Variants in ASCC3 observed in about 807,000 individuals in gnomAD.
The protein encoded by ASCC3 is activating signal cointegrator 1 complex subunit 3.
In ASCC3, 158 loss-of-function variants were observed where a neutral mutation model predicts 256.3. The ratio of observed to expected loss-of-function variants is 0.62; its 90% CI spans 0.54 to 0.70. The LOEUF is 0.70. Ranked by LOEUF, ASCC3 falls within the 30% of genes least tolerant of loss-of-function variation. The probability of loss-of-function intolerance (pLI) is 0.00; values close to 1 mark genes in which losing one functional copy is unlikely to be tolerated. For missense variants in ASCC3, 2,259 were observed against 2,626.0 expected (o/e 0.86, Z 3.05); for synonymous variants, 948 against 883.4 (o/e 1.07, Z -1.30).
At chr6:100,772,455 C>T (rs1005757864) in intron 8 of ASCC3, among the ~76,000 whole-genome samples, 1 of 152,096 alleles carries the variant, frequency 6.6e-6, no homozygotes, top group Non-Finnish European at 1.5e-5. Flanking sequence ...TATATTGATA[C>T]AATGGAATAC....
At chr6:100,716,183 C>T (rs1468527027) in intron 12 of ASCC3, among the ~76,000 whole-genome samples, 2 of 151,256 alleles carry the variant, frequency 1.3e-5, no homozygotes, top group Non-Finnish European at 3.0e-5. Context: ...TAGATTTGAC[C>T]GAAGATTTTC....
At chr6:100,613,189 A>C (rs1056187818) in intron 30 of ASCC3, among the ~76,000 whole-genome samples, 1 of 151,678 alleles carries the variant, frequency 6.6e-6, no homozygotes, top group Admixed American at 6.6e-5. Flanking sequence ...CTTTTAGGGT[A>C]CCCATTACCT....
chr6:100,726,329 G>T (rs1334069271), intron 10 of ASCC3, among the ~76,000 whole-genome samples: 11 of 151,870 alleles, frequency 7.2e-5, no homozygotes, highest in Non-Finnish European at 4.4e-5. Flanking sequence ...ATTAGGAGAG[G>T]TACAAAGTAG....
chr6:100,686,620 C>T (rs757929117), intron 13 of ASCC3, among the ~76,000 whole-genome samples: 3 of 151,924 alleles, frequency 2.0e-5, no homozygotes, highest in South Asian at 2.1e-4. Context: ...ATAACTAGTC[C>T]TTGTTTGATG....
At chr6:100,577,428 G>A (rs1770929340) in intron 36 of ASCC3, among the ~76,000 whole-genome samples, 1 of 152,104 alleles carries the variant, frequency 6.6e-6, no homozygotes, top group East Asian at 1.9e-4. Flanking sequence ...CTAATCACAT[G>A]TCTTCTAACA....
chr6:100,708,305 G>A (rs1359125482), intron 13 of ASCC3, among the ~76,000 whole-genome samples: 1 of 151,964 alleles, frequency 6.6e-6, no homozygotes, highest in South Asian at 2.1e-4. Flanking sequence ...TTTATTATTT[G>A]AGTTTAAATG....
At chr6:100,540,062 T>C in intron 37 of ASCC3, 101 bp downstream of exon 37, 2 of 1,057,138 alleles carry the variant, frequency 1.9e-6, no homozygotes, top group Non-Finnish European at 2.9e-6. Context: ...AATGCTACCA[T>C]AAAGTTGTTA....
intron 36 of ASCC3, among the ~76,000 whole-genome samples, chr6:100,577,520 A>G (rs370148213): frequency 2.3e-4 from 35 of 152,202 alleles, no homozygotes; most frequent in Middle Eastern, 3.4e-3. Flanking sequence ...GTATATAGCA[A>G]GTCTTCTCCA....
At position 100,539,631 on chromosome 6, in the gene ASCC3, C is replaced by T. The variant is rs79721021; in HGVS notation, c.5775+532G>A. Among the ~76,000 whole-genome samples, 546 of 152,242 alleles carry T rather than the reference C, an allele frequency of 3.6e-3. 3 individuals are homozygous for T. Among genetic ancestry groups the T allele is most frequent in the African/African-American group, 0.013 (527 of 41,548 alleles). On this transcript the variant is annotated intron_variant, in intron 37 of 41. Transcript: ENST00000369162. ...TTCTTAGTGTTTGAATACACACCTC[C>T]AGAGACCCTACGGTTCACTCTCTTC... is the stretch of plus-strand genomic sequence containing the variant.
At chr6:100,824,271 C>A (rs1002246964) in intron 4 of ASCC3, among the ~76,000 whole-genome samples, 2 of 152,242 alleles carry the variant, frequency 1.3e-5, no homozygotes, top group South Asian at 2.1e-4. Flanking sequence ...TAAGTAAGCA[C>A]TAAAACAGGC....
intron 14 of ASCC3, among the ~76,000 whole-genome samples, chr6:100,672,612 A>C (rs1011694056): frequency 2.6e-5 from 4 of 152,078 alleles, no homozygotes; most frequent in Admixed American, 1.3e-4. Context: ...CAAATGTTGG[A>C]AGGCATCTGT....
intron 1 of ASCC3, 68 bp from the exon 2 acceptor site, chr6:100,868,106 T>C (rs1295912384): frequency 2.3e-6 from 2 of 873,268 alleles, no homozygotes; most frequent in Non-Finnish European, 3.7e-6. Context: ...CTCAACAAAT[T>C]AGCTTGTACA....
intron 36 of ASCC3, among the ~76,000 whole-genome samples, chr6:100,549,636 T>A (rs1769189741): frequency 6.6e-6 from 1 of 151,570 alleles, no homozygotes; most frequent in Non-Finnish European, 1.5e-5. Flanking sequence ...AAAGTCCCCA[T>A]CAGAAAGTTC....
intron 36 of ASCC3, among the ~76,000 whole-genome samples, chr6:100,588,791 T>C (rs1771837916): frequency 6.6e-6 from 1 of 152,024 alleles, no homozygotes; most frequent in South Asian, 2.1e-4. Context: ...TTGAGAATTA[T>C]AAAGCAATAG....
chr6:100,690,959 TA>T (rs1175079798), intron 13 of ASCC3, among the ~76,000 whole-genome samples: 1 of 152,158 alleles, frequency 6.6e-6, no homozygotes, highest in African/African-American at 2.4e-5. Context: ...AAATTTCACT[TA>T]AAAATCACTT....
intron 3 of ASCC3, among the ~76,000 whole-genome samples, chr6:100,855,364 G>A (rs1310374874): frequency 2.0e-5 from 3 of 152,140 alleles, no homozygotes. Flanking sequence ...CAATCCACCC[G>A]CCTTGGCCTC....
chr6:100,601,851 G>A lies in ASCC3; in HGVS notation c.5262C>T (p.Ile1754=), dbSNP rs1256046432. The change falls in exon 34 of 42, where the codon ATC becomes ATT. Residue 1754 remains isoleucine (I), a synonymous_variant. Transcript: ENST00000369162. ...ITSKQDALDY[I]TWTYFFRRLI... ...GACGTCGGAAAAAGTAAGTCCAGGT[G>A]ATATAATCCAATGCATCTTGCTTAG... is the stretch of plus-strand genomic sequence containing the variant. 6.2e-7 allele frequency: 1 copy of A among 1,612,492 alleles called. No homozygotes were observed. Among genetic ancestry groups the A allele is most frequent in the South Asian group, 1.1e-5 (1 of 91,044 alleles).
chr6:100,880,379 A>T (rs529364371), intron 1 of ASCC3, among the ~76,000 whole-genome samples: 2 of 152,322 alleles, frequency 1.3e-5, no homozygotes, highest in East Asian at 3.9e-4. Context: ...AGAAAATGTA[A>T]CCATGAGTTT....
intron 37 of ASCC3, among the ~76,000 whole-genome samples, chr6:100,530,082 C>T (rs1032940249): frequency 6.6e-6 from 1 of 151,736 alleles, no homozygotes; most frequent in Non-Finnish European, 1.5e-5. Context: ...ACATTAATTC[C>T]AATTTAAATT....
Sources: gnomAD v4.1 joint callset for allele counts (sites outside exome capture counted in the v4.1 genomes callset) on GRCh38, gnomAD v4.1.1 for gene constraint, MANE v1.5 for transcripts, NCBI Gene and HGNC (gene_info 2026-07-23, HGNC 2026-07-21) for gene names.